MAGI2: variants seen among roughly 807,000 people sequenced by gnomAD.
MAGI2 encodes the protein membrane associated guanylate kinase, WW and PDZ domain containing 2, also known as membrane-associated guanylate kinase, WW and PDZ domain-containing protein 2.
In MAGI2, 35 loss-of-function variants were observed where a neutral mutation model predicts 133.3. That is an observed-to-expected ratio of 0.26 (90% CI 0.20 to 0.35). The LOEUF (loss-of-function observed/expected upper bound fraction) is 0.35. MAGI2 is among the 10% of genes least tolerant of loss of function. The pLI is 1.00. For missense variants in MAGI2, 1,636 were observed against 1,863.4 expected (o/e 0.88, Z 2.25); for synonymous variants, 729 against 710.6 (o/e 1.03, Z -0.41).
chr7:78,661,207 G>T (rs1314696260), intron 2 of MAGI2, among the ~76,000 whole-genome samples: 1 of 151,474 alleles, frequency 6.6e-6, no homozygotes, highest in Non-Finnish European at 1.5e-5. Flanking sequence ...ATCTGATCCA[G>T]ATTATGCTCA....
At chr7:78,492,828 T>C (rs1396869018) in intron 5 of MAGI2, among the ~76,000 whole-genome samples, 2 of 152,192 alleles carry the variant, frequency 1.3e-5, no homozygotes, top group African/African-American at 4.8e-5. Flanking sequence ...CAGAGACACA[T>C]ACACATACAT....
intron 6 of MAGI2, among the ~76,000 whole-genome samples, chr7:78,375,734 T>A (rs1284515384): frequency 6.6e-6 from 1 of 152,174 alleles, no homozygotes; most frequent in Non-Finnish European, 1.5e-5. Context: ...AATCTTTTCC[T>A]CTAATATTTT....
At chr7:78,066,235 G>A (rs1422303027) in intron 21 of MAGI2, among the ~76,000 whole-genome samples, 3 of 152,110 alleles carry the variant, frequency 2.0e-5, no homozygotes, top group Non-Finnish European at 4.4e-5. Context: ...GCCGAGGTGG[G>A]CGGAACATTT....
At chr7:78,198,003 T>G (rs1828886065) in intron 11 of MAGI2, 1 of 152,574 alleles carries the variant, frequency 6.6e-6, no homozygotes. Context: ...GCTTTCTACC[T>G]GGGATACTCA....
At chr7:79,216,005 C>G (rs991201267) in intron 1 of MAGI2, among the ~76,000 whole-genome samples, 1 of 151,832 alleles carries the variant, frequency 6.6e-6, no homozygotes, top group Non-Finnish European at 1.5e-5. Context: ...CCTGGAAACC[C>G]GCAGCGCTAA....
At chr7:78,414,286 T>C (rs961835242) in intron 6 of MAGI2, among the ~76,000 whole-genome samples, 12 of 150,084 alleles carry the variant, frequency 8.0e-5, no homozygotes, top group African/African-American at 2.9e-4. Flanking sequence ...TAAGGTATAA[T>C]ATAGAAATAT....
At chr7:78,094,857 C>T (rs1215261118) in intron 20 of MAGI2, among the ~76,000 whole-genome samples, 1 of 152,182 alleles carries the variant, frequency 6.6e-6, no homozygotes, top group Non-Finnish European at 1.5e-5. Flanking sequence ...TAAAATCTCT[C>T]CCACTCTCAT....
intron 9 of MAGI2, among the ~76,000 whole-genome samples, chr7:78,276,066 C>A (rs1009327728): frequency 1.3e-5 from 2 of 152,122 alleles, no homozygotes; most frequent in Admixed American, 1.3e-4. Flanking sequence ...TATTTCATCT[C>A]CCTAATTACT....
At chr7:79,160,510 G>A (rs941523787) in intron 1 of MAGI2, among the ~76,000 whole-genome samples, 4 of 152,012 alleles carry the variant, frequency 2.6e-5, no homozygotes, top group African/African-American at 4.8e-5. Flanking sequence ...TTACTATAGT[G>A]AGTTGTAAAA....
intron 2 of MAGI2, among the ~76,000 whole-genome samples, chr7:78,899,168 C>T (rs1797425613): frequency 6.6e-6 from 1 of 152,050 alleles, no homozygotes; most frequent in African/African-American, 2.4e-5. Context: ...ATTCATATGA[C>T]ACTTTTTAAT....
chr7:79,068,828 G>C lies in MAGI2; in HGVS notation c.302-61622C>G, dbSNP rs774564568. 1.0e-3 allele frequency among the ~76,000 whole-genome samples: 157 copies of C among 152,032 alleles called. 3 individuals carry two copies. The highest frequency in any genetic ancestry group is 3.5e-4 in the Non-Finnish European group (24 of 68,010). ...GGTTTCAAATAACATCTTTATTTCTGCTTTCATTTCGTTATTTACCCAGTA... is the reference window on the plus strand; with the variant it reads ...GGTTTCAAATAACATCTTTATTTCTCCTTTCATTTCGTTATTTACCCAGTA... On this transcript the variant is annotated intron_variant, in intron 1 of 21. Coordinates refer to ENST00000354212, the MANE Select transcript of MAGI2 (RefSeq NM_012301.4).
chr7:79,299,242 G>A (rs1837188062), intron 1 of MAGI2, among the ~76,000 whole-genome samples: 1 of 151,984 alleles, frequency 6.6e-6, no homozygotes, highest in African/African-American at 2.4e-5. Context: ...AGATTAAGTA[G>A]AAATTTTCCG....
chr7:78,463,003 A>G (rs552739741), intron 6 of MAGI2, among the ~76,000 whole-genome samples: 1 of 152,242 alleles, frequency 6.6e-6, no homozygotes, highest in Admixed American at 6.5e-5. Context: ...GATACAGTCA[A>G]TGGAGTGTAG....
At chr7:78,062,128 C>G (rs1256007219) in intron 21 of MAGI2, among the ~76,000 whole-genome samples, 1 of 152,212 alleles carries the variant, frequency 6.6e-6, no homozygotes, top group African/African-American at 2.4e-5. Flanking sequence ...TAGAGAGTTA[C>G]TTTAGTGTAG....
chr7:78,093,484 C>T (rs549290097), intron 20 of MAGI2, among the ~76,000 whole-genome samples: 1 of 151,788 alleles, frequency 6.6e-6, no homozygotes, highest in Admixed American at 6.6e-5. Flanking sequence ...TGGCAAAGAC[C>T]ACAATTACTT....
At chr7:79,028,255 A>ATG (rs1810145537) in intron 1 of MAGI2, among the ~76,000 whole-genome samples, 1 of 23,978 alleles carries the variant, frequency 4.2e-5, no homozygotes, top group African/African-American at 1.2e-4. Context: ...ATATATATAT[A>ATG]TATATATATA....
At position 78,249,175 on chromosome 7, in the gene MAGI2, T is replaced by C. The variant is rs568541383; in HGVS notation, c.2047+6768A>G. 2.0e-4 allele frequency among the ~76,000 whole-genome samples: 31 copies of C among 152,140 alleles called. No individual in the cohort carries two copies. The East Asian group carries it at 4.4e-3, about 22-fold the overall frequency. On this transcript the variant is annotated intron_variant, in intron 10 of 21. Coordinates refer to ENST00000354212, the MANE Select transcript of MAGI2 (RefSeq NM_012301.4). ...AAACCACAGTGTGATATCACCTCAA[T>C]GTGTTAAGATAGCTATTAGCAAAAA... is the stretch of plus-strand genomic sequence containing the variant.
intron 1 of MAGI2, among the ~76,000 whole-genome samples, chr7:79,353,183 C>T (rs1402840621): frequency 6.6e-6 from 1 of 152,040 alleles, no homozygotes; most frequent in East Asian, 1.9e-4. Flanking sequence ...ATGTCTTCTA[C>T]CAACTGCCCC....
intron 21 of MAGI2, among the ~76,000 whole-genome samples, chr7:78,042,079 A>G (rs1471675389): frequency 6.6e-6 from 1 of 152,204 alleles, no homozygotes; most frequent in East Asian, 1.9e-4. Context: ...TACAGGAGAC[A>G]TGAGACATGG....
Sources: allele counts gnomAD v4.1 joint callset (sites outside exome capture counted in the v4.1 genomes callset), GRCh38; gene constraint gnomAD v4.1.1; transcripts MANE v1.5; gene names NCBI Gene and HGNC (gene_info 2026-07-23, HGNC 2026-07-21).